KLHL29: variants seen among roughly 807,000 people sequenced by gnomAD.
KLHL29 encodes the protein kelch-like protein 29.
KLHL29 carries 21 observed loss-of-function variants against 80.4 expected under a neutral mutation model. That is an observed-to-expected ratio of 0.26 (90% CI 0.19 to 0.38). The LOEUF is 0.38. KLHL29 is among the 10% of genes least tolerant of loss of function. KLHL29 has a pLI of 1.00. For missense variants in KLHL29, 867 were observed against 1,223.9 expected, an observed-to-expected ratio of 0.71 and a Z score of 4.35; for synonymous variants, 511 against 526.8, an observed-to-expected ratio of 0.97 and a Z score of 0.41.
chr2:23,410,368 A>T (rs1666834492), intron 1 of KLHL29, among the ~76,000 whole-genome samples: 1 of 152,072 alleles, frequency 6.6e-6, no homozygotes, highest in Non-Finnish European at 1.5e-5. Flanking sequence ...AAGGAGAGGG[A>T]TGTCTCAAGG....
intron 1 of KLHL29, among the ~76,000 whole-genome samples, chr2:23,387,646 A>G (rs1450300288): frequency 1.3e-5 from 2 of 152,086 alleles, no homozygotes; most frequent in African/African-American, 2.4e-5. Flanking sequence ...CATGTCCAGT[A>G]AGCACTAGTG....
At chr2:23,578,123 A>T in intron 3 of KLHL29, among the ~76,000 whole-genome samples, 1 of 152,192 alleles carries the variant, frequency 6.6e-6, no homozygotes, top group Non-Finnish European at 1.5e-5. Flanking sequence ...GGGTGCCAAG[A>T]GACAGGAAGA....
At chr2:23,594,148 G>C (rs1256118457) in intron 3 of KLHL29, among the ~76,000 whole-genome samples, 1 of 152,212 alleles carries the variant, frequency 6.6e-6, no homozygotes, top group Non-Finnish European at 1.5e-5. Context: ...TACAGCAGAG[G>C]TGGGAAGGTT....
chr2:23,622,837 A>G (rs1392096158), intron 3 of KLHL29, among the ~76,000 whole-genome samples: 2 of 152,200 alleles, frequency 1.3e-5, no homozygotes, highest in East Asian at 3.9e-4. Flanking sequence ...TCATAATTCT[A>G]TGGTGTAGGT....
In KLHL29 at chr2:23,682,914, C is replaced by A. The variant is rs1262800977; in HGVS notation, c.941-1485C>A. On this transcript the variant is annotated intron_variant, in intron 5 of 13. Coordinates refer to ENST00000486442, the MANE Select transcript of KLHL29 (RefSeq NM_052920.2). This position sits in a 1 kb window ranked among gnomAD's most constrained non-coding sequence, Gnocchi z 4.1. ...CGGCCTTGCCATGGCTCCCAGAGGG[C>A]AGGGCCCCCAACCCCGATCCCTGAA... Among the ~76,000 whole-genome samples the A allele has an allele frequency of 6.6e-6, 1 of 152,150 alleles. No homozygotes were observed. The highest frequency in any genetic ancestry group is 1.5e-5 in the Non-Finnish European group (1 of 68,034).
At chr2:23,668,046 A>AT in intron 5 of KLHL29, 1 of 152,040 alleles carries the variant, frequency 6.6e-6, no homozygotes, top group Non-Finnish European at 1.5e-5. Context: ...TCTCTGCGTT[A>AT]TTTTTTTCTC....
chr2:23,387,992 G>T (rs1666228436), intron 1 of KLHL29, among the ~76,000 whole-genome samples: 1 of 152,090 alleles, frequency 6.6e-6, no homozygotes, highest in Non-Finnish European at 1.5e-5. Flanking sequence ...GAAATTTATA[G>T]GTCTCCAACT....
chr2:23,418,578 C>G (rs1349929350), intron 1 of KLHL29, among the ~76,000 whole-genome samples: 1 of 152,226 alleles, frequency 6.6e-6, no homozygotes, highest in African/African-American at 2.4e-5. Flanking sequence ...CGGACTGTTG[C>G]TGACACAGGA....
intron 1 of KLHL29, among the ~76,000 whole-genome samples, chr2:23,450,889 A>G (rs1663858147): frequency 6.6e-6 from 1 of 152,208 alleles, no homozygotes; most frequent in Non-Finnish European, 1.5e-5. Flanking sequence ...ACACATTAGC[A>G]GTCAATCCCC....
At chr2:23,386,608 G>T (rs933925151) in intron 1 of KLHL29, among the ~76,000 whole-genome samples, 11 of 152,106 alleles carry the variant, frequency 7.2e-5, no homozygotes, top group African/African-American at 2.7e-4. Context: ...GTGAACGCGC[G>T]CCCCGATGGC....
In KLHL29 at chr2:23,586,051, C is replaced by T. The variant is rs994309184; in HGVS notation, c.285+23570C>T. Reference sequence around the variant, plus strand: ...ATGCAGAACGAGAGCACACAGAAGGCCTCTGGGGAGGCTTAACTATCTAGG... The same window carrying T: ...ATGCAGAACGAGAGCACACAGAAGGTCTCTGGGGAGGCTTAACTATCTAGG... On this transcript the variant is annotated intron_variant, in intron 3 of 13. Coordinates refer to ENST00000486442, the MANE Select transcript of KLHL29 (RefSeq NM_052920.2). Among the ~76,000 whole-genome samples, 9 of 152,196 alleles carry T rather than the reference C, an allele frequency of 5.9e-5. 1 individual carries two copies. In the South Asian group the frequency reaches 8.3e-4, roughly 14 times the overall value.
intron 1 of KLHL29, among the ~76,000 whole-genome samples, chr2:23,405,453 G>T (rs1666700598): frequency 6.6e-6 from 1 of 152,206 alleles, no homozygotes; most frequent in African/African-American, 2.4e-5. Flanking sequence ...ATAGAGGGCA[G>T]TTGAATACGT....
At chr2:23,398,336 A>T (rs1213398793) in intron 1 of KLHL29, among the ~76,000 whole-genome samples, 3 of 152,268 alleles carry the variant, frequency 2.0e-5, no homozygotes, top group Non-Finnish European at 4.4e-5. Context: ...TGAAGACGTT[A>T]TACTAAGTGA....
intron 5 of KLHL29, among the ~76,000 whole-genome samples, chr2:23,673,661 T>A (rs1251562779): frequency 7.1e-6 from 1 of 141,398 alleles, no homozygotes; most frequent in Non-Finnish European, 1.5e-5. Flanking sequence ...CACAGACACA[T>A]ACACAGGGGT....
intron 1 of KLHL29, among the ~76,000 whole-genome samples, chr2:23,436,576 T>A (rs1558337715): frequency 6.7e-6 from 1 of 149,030 alleles, no homozygotes; most frequent in South Asian, 2.2e-4. Flanking sequence ...GCTGGGCGGC[T>A]CTTGTCGTTA....
At chr2:23,670,191 C>T (rs555171622) in intron 5 of KLHL29, 1 of 152,264 alleles carries the variant, frequency 6.6e-6, no homozygotes, top group South Asian at 2.1e-4. Flanking sequence ...TACCTGAGCT[C>T]GCGGGCTAAC....
intron 3 of KLHL29, among the ~76,000 whole-genome samples, chr2:23,605,712 C>T (rs759126633): frequency 1.1e-4 from 17 of 152,086 alleles, no homozygotes; most frequent in Non-Finnish European, 2.4e-4. Context: ...TTCAAGCCCT[C>T]CTCCTTCTCA....
At chr2:23,419,827 C>T (rs1662735073) in intron 1 of KLHL29, among the ~76,000 whole-genome samples, 1 of 152,096 alleles carries the variant, frequency 6.6e-6, no homozygotes, top group Non-Finnish European at 1.5e-5. Context: ...GTTCCTGGCT[C>T]ATAGGTCATT....
At chr2:23,495,986 G>A (rs958068085) in intron 2 of KLHL29, among the ~76,000 whole-genome samples, 9 of 152,200 alleles carry the variant, frequency 5.9e-5, no homozygotes, top group South Asian at 2.1e-4. Flanking sequence ...ATTGGCCAGC[G>A]CCGCTCTGCT....
Sources: allele counts gnomAD v4.1 joint callset (sites outside exome capture counted in the v4.1 genomes callset), GRCh38; gene constraint gnomAD v4.1.1; non-coding constraint Gnocchi (gnomAD v3.1); transcripts MANE v1.5; gene names NCBI Gene and HGNC (gene_info 2026-07-23, HGNC 2026-07-21).